The following GRM3 variants were observed in gnomAD, a reference collection of about 807,000 sequenced individuals.
GRM3 encodes the protein metabotropic glutamate receptor 3.
GRM3 carries 26 observed loss-of-function variants against 70.5 expected under a neutral mutation model. The ratio of observed to expected loss-of-function variants is 0.37; its 90% CI spans 0.27 to 0.51. The LOEUF is 0.51. GRM3 is among the 20% of genes least tolerant of loss of function. The pLI is 0.93. For missense variants in GRM3, 859 were observed against 1,123.8 expected, an observed-to-expected ratio of 0.76 and a Z score of 3.37; for synonymous variants, 443 against 434.9, an observed-to-expected ratio of 1.02 and a Z score of -0.23.
intron 1 of GRM3, among the ~76,000 whole-genome samples, chr7:86,747,225 A>G (rs979890142): frequency 2.6e-5 from 4 of 152,124 alleles, no homozygotes; most frequent in African/African-American, 9.7e-5. Flanking sequence ...AGTATACTCA[A>G]CAAAGCATGT....
At chr7:86,731,228 C>A (rs1584199474) in intron 1 of GRM3, among the ~76,000 whole-genome samples, 1 of 152,170 alleles carries the variant, frequency 6.6e-6, no homozygotes, top group African/African-American at 2.4e-5. Context: ...ATTACCTTTT[C>A]CTTTCTCAAA....
At chr7:86,742,594 T>C (rs929003249) in intron 1 of GRM3, among the ~76,000 whole-genome samples, 3 of 152,064 alleles carry the variant, frequency 2.0e-5, no homozygotes, top group Admixed American at 2.0e-4. Flanking sequence ...TTGGGCTGGA[T>C]TGGTACAGTT....
intron 1 of GRM3, among the ~76,000 whole-genome samples, chr7:86,740,942 A>G (rs1185427720): frequency 6.6e-6 from 1 of 152,174 alleles, no homozygotes; most frequent in Non-Finnish European, 1.5e-5. Flanking sequence ...ACCTGTATGC[A>G]TCATGTCAAA....
At chr7:86,805,896 C>G (rs1007391449) in intron 3 of GRM3, among the ~76,000 whole-genome samples, 1 of 148,460 alleles carries the variant, frequency 6.7e-6, no homozygotes, top group Non-Finnish European at 1.5e-5. Flanking sequence ...TATCCCTCCC[C>G]CCTCCCCGCA....
At chr7:86,854,920 T>TC (rs1562883433) in intron 5 of GRM3, among the ~76,000 whole-genome samples, 1 of 152,168 alleles carries the variant, frequency 6.6e-6, no homozygotes, top group Non-Finnish European at 1.5e-5. Context: ...TGCAGTGATT[T>TC]CCCAGGCTCC....
chr7:86,751,438 C>A (rs1796228681), intron 1 of GRM3, among the ~76,000 whole-genome samples: 1 of 152,190 alleles, frequency 6.6e-6, no homozygotes, highest in Middle Eastern at 3.4e-3. Context: ...TAGAACCTAC[C>A]ACAGGGCCTG....
chr7:86,667,327 A>G, intron 1 of GRM3, among the ~76,000 whole-genome samples: 1 of 152,098 alleles, frequency 6.6e-6, no homozygotes, highest in East Asian at 1.9e-4. Context: ...CTTAAGATAT[A>G]TAATATTATG....
intron 1 of GRM3, among the ~76,000 whole-genome samples, chr7:86,669,290 C>T (rs1230453764): frequency 6.6e-6 from 1 of 152,204 alleles, no homozygotes; most frequent in African/African-American, 2.4e-5. Flanking sequence ...AATCTTCTCA[C>T]ATGATTCCAG....
At chr7:86,831,458 A>C (rs1324779291) in intron 3 of GRM3, among the ~76,000 whole-genome samples, 1 of 152,202 alleles carries the variant, frequency 6.6e-6, no homozygotes, top group African/African-American at 2.4e-5. Flanking sequence ...TAGTATCTGT[A>C]GTTCACATTA....
intron 3 of GRM3, among the ~76,000 whole-genome samples, chr7:86,833,942 A>C (rs1157024931): frequency 6.6e-6 from 1 of 152,238 alleles, no homozygotes; most frequent in Non-Finnish European, 1.5e-5. Flanking sequence ...AAACAAATTT[A>C]GTAAAAGGTA....
chr7:86,857,749 G>A (rs1386844716), intron 5 of GRM3, among the ~76,000 whole-genome samples: 1 of 152,092 alleles, frequency 6.6e-6, no homozygotes, highest in Non-Finnish European at 1.5e-5. Context: ...ATCCTTGTCT[G>A]AAAACATATT....
chr7:86,694,471 C>T (rs1318475377), intron 1 of GRM3, among the ~76,000 whole-genome samples: 1 of 130,708 alleles, frequency 7.7e-6, no homozygotes, highest in Non-Finnish European at 1.5e-5. Flanking sequence ...GAGATGGCAC[C>T]ACTGCACTCC....
At chr7:86,838,615 C>G (rs1798503098) in intron 3 of GRM3, among the ~76,000 whole-genome samples, 2 of 152,154 alleles carry the variant, frequency 1.3e-5, no homozygotes, top group South Asian at 4.1e-4. Context: ...ATCACCGGTA[C>G]TTGGCACCCT....
At chr7:86,719,210 G>C (rs2116217594) in intron 1 of GRM3, among the ~76,000 whole-genome samples, 1 of 152,086 alleles carries the variant, frequency 6.6e-6, no homozygotes, top group African/African-American at 2.4e-5. Context: ...ATTCCAGAAA[G>C]AGAGTATGAA....
chr7:86,659,948 TCAGATTCCTTTGTGTAAAACAAA>T (rs1287524299), intron 1 of GRM3, among the ~76,000 whole-genome samples: 12 of 152,018 alleles, frequency 7.9e-5, no homozygotes, highest in Non-Finnish European at 2.9e-5. Flanking sequence ...ACAAAAAGTC[TCAGATTCCTTTGTGTAAAACAAA>T]AATGATTGAC....
chr7:86,669,086 C>G (rs1794105788), intron 1 of GRM3, among the ~76,000 whole-genome samples: 1 of 152,140 alleles, frequency 6.6e-6, no homozygotes. Context: ...CCATGTCTTC[C>G]TCAAGCAACC....
chr7:86,647,469 A>G (rs117751879), intron 1 of GRM3, among the ~76,000 whole-genome samples: 3,442 of 152,332 alleles, frequency 0.023, 55 homozygotes, highest in Non-Finnish European at 0.036. Flanking sequence ...ATTGTAAAAC[A>G]AGGAGGGCAG....
At chr7:86,682,632 C>CAA (rs1184500314) in intron 1 of GRM3, among the ~76,000 whole-genome samples, 1 of 152,086 alleles carries the variant, frequency 6.6e-6, no homozygotes, top group Admixed American at 6.6e-5. Context: ...CAGCATGCCC[C>CAA]AAATCTTACC....
chr7:86,760,898 A>G (rs746993578), intron 1 of GRM3, among the ~76,000 whole-genome samples: 1 of 152,100 alleles, frequency 6.6e-6, no homozygotes, highest in Non-Finnish European at 1.5e-5. Context: ...TCATCCCCCA[A>G]CTTATTTTTA....
Sources: gnomAD v4.1 joint callset for allele counts (sites outside exome capture counted in the v4.1 genomes callset) on GRCh38, gnomAD v4.1.1 for gene constraint, MANE v1.5 for transcripts, NCBI Gene and HGNC (gene_info 2026-07-23, HGNC 2026-07-21) for gene names.